Variants in DLEU7 observed in about 807,000 individuals in gnomAD.
DLEU7 encodes deleted in lymphocytic leukemia 7.
Under a neutral mutation model 16.0 loss-of-function variants are expected in DLEU7, and 17 were observed. The observed-to-expected ratio is 1.06, with a 90% confidence interval of 0.73 to 1.59. DLEU7 has a LOEUF of 1.59. DLEU7 is among the 40% of genes most tolerant of loss of function. The probability of loss-of-function intolerance (pLI) is 0.00; values close to 1 mark genes in which losing one functional copy is unlikely to be tolerated. For synonymous variants in DLEU7, 113 were observed against 139.8 expected (o/e 0.81, Z 1.35); for missense variants, 308 against 314.9 (o/e 0.98, Z 0.17).
At chr13:50,840,015 C>G (rs145274025) in intron 1 of DLEU7, 6 of 152,168 alleles carry the variant, frequency 3.9e-5, no homozygotes, top group Non-Finnish European at 5.9e-5. Flanking sequence ...GTGCTATGCT[C>G]TCTCCACTGC....
chr13:50,818,275 G>C (rs983976140), downstream of DLEU7, among the ~76,000 whole-genome samples: 1 of 152,076 alleles, frequency 6.6e-6, no homozygotes, highest in African/African-American at 2.4e-5. Context: ...AGGAGAAAAG[G>C]CCACTCAGAA....
intron 1 of DLEU7, among the ~76,000 whole-genome samples, chr13:50,731,154 G>A (rs988766653): frequency 6.6e-6 from 1 of 152,232 alleles, no homozygotes; most frequent in Non-Finnish European, 1.5e-5. Flanking sequence ...TATGGAGAGT[G>A]TAACCAAGTA....
intron 1 of DLEU7, among the ~76,000 whole-genome samples, chr13:50,840,970 A>G (rs1204980977): frequency 6.6e-6 from 1 of 152,146 alleles, no homozygotes; most frequent in Non-Finnish European, 1.5e-5. Context: ...AGTCAATTAG[A>G]AAGGGCTAAA....
chr13:50,751,501 A>C (rs191723793), intron 1 of DLEU7, among the ~76,000 whole-genome samples: 23 of 152,322 alleles, frequency 1.5e-4, no homozygotes, highest in African/African-American at 4.8e-4. Flanking sequence ...TGTCATCAAA[A>C]GGATTGGTAC....
intron 1 of DLEU7, among the ~76,000 whole-genome samples, chr13:50,764,212 G>C (rs1023030281): frequency 1.4e-4 from 22 of 152,180 alleles, no homozygotes; most frequent in African/African-American, 5.1e-4. Flanking sequence ...ACAGTGTTTT[G>C]TGAGAATTAA....
At chr13:50,788,242 C>A (rs1875850123) in intron 1 of DLEU7, among the ~76,000 whole-genome samples, 1 of 152,136 alleles carries the variant, frequency 6.6e-6, no homozygotes, top group Non-Finnish European at 1.5e-5. Context: ...TGGAGCCTGG[C>A]TAGACACCCA....
intron 1 of DLEU7, chr13:50,812,901 A>G (rs1038428231): frequency 2.6e-5 from 4 of 151,934 alleles, no homozygotes; most frequent in African/African-American, 7.2e-5. Context: ...CTAAAAATTA[A>G]AACTTCTGCT....
intron 1 of DLEU7, among the ~76,000 whole-genome samples, chr13:50,762,976 G>C (rs1249421411): frequency 6.6e-6 from 1 of 152,146 alleles, no homozygotes; most frequent in African/African-American, 2.4e-5. Flanking sequence ...GTGCCCTGCA[G>C]ACCCACAAGT....
chr13:50,820,533 C>G (rs1876870091), downstream of DLEU7, among the ~76,000 whole-genome samples: 1 of 152,194 alleles, frequency 6.6e-6, no homozygotes, highest in African/African-American at 2.4e-5. Context: ...TGTACAGATT[C>G]AGGGTAGGTA....
chr13:50,714,852 CA>C (rs1317452105), intron 1 of DLEU7, among the ~76,000 whole-genome samples: 2 of 152,184 alleles, frequency 1.3e-5, no homozygotes, highest in Non-Finnish European at 2.9e-5. Context: ...ACACATTTAA[CA>C]GCTTAAAAAT....
intron 1 of DLEU7, among the ~76,000 whole-genome samples, chr13:50,791,503 T>C (rs1413088533): frequency 3.3e-5 from 5 of 152,126 alleles, no homozygotes; most frequent in African/African-American, 1.2e-4. Flanking sequence ...GGTGACAGTG[T>C]GTACGTGTTC....
In DLEU7 at chr13:50,843,338, G is replaced by T. The variant is rs747374364; in HGVS notation, c.309C>A (p.Phe103Leu). The T allele has an allele frequency of 2.6e-5, 38 of 1,476,046 alleles. No homozygotes were observed. The South Asian group carries it at 4.5e-4, about 17-fold the overall frequency. The allele number at this position is 1,476,046 out of a possible 1,614,324, so 91.4% of individuals were successfully genotyped here. A position where few individuals can be genotyped will look rare whatever the true frequency, so the allele number is the denominator to read the frequency against. Residue 103 changes from phenylalanine to leucine, a missense_variant, in exon 1 of 2, where the codon TTC (phenylalanine) becomes TTA (leucine). Coordinates refer to ENST00000504404, the MANE Select transcript of DLEU7 (RefSeq NM_001306135.2). This position sits in a 1 kb window ranked among gnomAD's most constrained non-coding sequence, Gnocchi z 5.7. ...GGGTGCAGGGCCCGCGGTCCCGGGG[G>T]AAGGGCAGCAACTCGGCGCCCCCCT... ...GAEGGAELLP[F>L]PRDRGPCTLA...
chr13:50,761,053 C>T (rs574902289), intron 1 of DLEU7, among the ~76,000 whole-genome samples: 4 of 152,210 alleles, frequency 2.6e-5, no homozygotes, highest in Admixed American at 2.6e-4. Context: ...GTGGTCCACA[C>T]TGTATTTGCC....
intron 1 of DLEU7, among the ~76,000 whole-genome samples, chr13:50,722,839 G>C (rs1214576519): frequency 2.0e-5 from 3 of 152,158 alleles, no homozygotes; most frequent in Non-Finnish European, 4.4e-5. Context: ...CAGAGATTCT[G>C]TGTACCCTTT....
chr13:50,750,884 A>G (rs1459178179), intron 1 of DLEU7, among the ~76,000 whole-genome samples: 1 of 152,214 alleles, frequency 6.6e-6, no homozygotes, highest in Non-Finnish European at 1.5e-5. Context: ...ATCAGCAAAC[A>G]GGACAGTCTG....
intron 1 of DLEU7, among the ~76,000 whole-genome samples, chr13:50,795,375 C>A (rs913985540): frequency 5.9e-5 from 9 of 152,120 alleles, no homozygotes; most frequent in Non-Finnish European, 8.8e-5. Context: ...CAGTATCTCA[C>A]CTACTCTCTC....
At chr13:50,771,582 G>T (rs536596944) in intron 1 of DLEU7, among the ~76,000 whole-genome samples, 3 of 152,224 alleles carry the variant, frequency 2.0e-5, no homozygotes, top group African/African-American at 7.2e-5. Context: ...TTTTGAGTGA[G>T]TTTCTTAATC....
At chr13:50,785,554 T>G (rs1593394911) in intron 1 of DLEU7, among the ~76,000 whole-genome samples, 1 of 152,170 alleles carries the variant, frequency 6.6e-6, no homozygotes, top group South Asian at 2.1e-4. Flanking sequence ...AAAAGATCAC[T>G]TAAGGCAACT....
At chr13:50,748,228 CTTTTTTTTTTTT>C (rs71085044) in intron 1 of DLEU7, among the ~76,000 whole-genome samples, 20 of 89,252 alleles carry the variant, frequency 2.2e-4, no homozygotes, top group Non-Finnish European at 2.9e-4. Flanking sequence ...ACTCCTTAAA[CTTTTTTTTTTTT>C]TTTTTTTTTT....
Sources: gnomAD v4.1 joint callset for allele counts (sites outside exome capture counted in the v4.1 genomes callset) on GRCh38, gnomAD v4.1.1 for gene constraint, Gnocchi (gnomAD v3.1) non-coding constraint, MANE v1.5 for transcripts, NCBI Gene and HGNC (gene_info 2026-07-23, HGNC 2026-07-21) for gene names.